TMEM178B: variants seen among roughly 807,000 people sequenced by gnomAD.
The protein encoded by TMEM178B is transmembrane protein 178B.
Under a neutral mutation model 31.0 loss-of-function variants are expected in TMEM178B, and 5 were observed. The observed-to-expected ratio is 0.16, with a 90% CI of 0.08 to 0.34. The LOEUF (loss-of-function observed/expected upper bound fraction) is 0.34. TMEM178B is among the 10% of genes least tolerant of loss of function. TMEM178B has a pLI of 1.00. For synonymous variants in TMEM178B, 164 were observed against 164.0 expected (o/e 1.00, Z 0.00); for missense variants, 275 against 400.3 (o/e 0.69, Z 2.67).
intron 2 of TMEM178B, among the ~76,000 whole-genome samples, chr7:141,355,020 T>A (rs369319288): frequency 2.6e-5 from 4 of 152,264 alleles, no homozygotes; most frequent in East Asian, 3.8e-4. Context: ...AAGTTGTTTA[T>A]GTTAATAAAA....
In TMEM178B at chr7:141,461,461, A is replaced by G. The variant is rs1802057854; in HGVS notation, c.635-9075A>G. ...GAAGTTGTGGGCATAACTTGGTCAC[A>G]TAAGGATTAGATATTTGGGCAAATG... On this transcript the variant is annotated intron_variant, in intron 3 of 3. Coordinates refer to ENST00000565468, the MANE Select transcript of TMEM178B (RefSeq NM_001195278.2). The surrounding 1 kb of genome is among the most constrained non-coding windows in gnomAD (Gnocchi z 4.0). Among the ~76,000 whole-genome samples the G allele has an allele frequency of 6.6e-6, 1 of 152,262 alleles. No individual in the cohort carries two copies. Among genetic ancestry groups the G allele is most frequent in the Non-Finnish European group, 1.5e-5 (1 of 68,044 alleles).
chr7:141,391,445 C>T (rs372730628), intron 2 of TMEM178B, among the ~76,000 whole-genome samples: 1 of 152,178 alleles, frequency 6.6e-6, no homozygotes, highest in Non-Finnish European at 1.5e-5. Context: ...CAGGCGTGAG[C>T]CACCACATCC....
intron 2 of TMEM178B, among the ~76,000 whole-genome samples, chr7:141,256,942 G>A (rs1314495246): frequency 6.6e-6 from 1 of 152,174 alleles, no homozygotes; most frequent in African/African-American, 2.4e-5. Flanking sequence ...TACAATATTT[G>A]TATCTGGAGT....
chr7:141,487,173 C>T, the TMEM178B span, among the ~76,000 whole-genome samples: 23 of 152,274 alleles, frequency 1.5e-4, 1 homozygote, highest in East Asian at 4.4e-3. Flanking sequence ...GCTGCTGAGC[C>T]ATTTTTTACC....
intron 3 of TMEM178B, among the ~76,000 whole-genome samples, chr7:141,442,325 C>T (rs1801676152): frequency 6.6e-6 from 1 of 152,182 alleles, no homozygotes; most frequent in Non-Finnish European, 1.5e-5. Flanking sequence ...GGAGCCTCCT[C>T]TCTAAACGCC....
intron 2 of TMEM178B, among the ~76,000 whole-genome samples, chr7:141,322,734 A>G (rs1298889496): frequency 6.6e-6 from 1 of 152,130 alleles, no homozygotes; most frequent in Non-Finnish European, 1.5e-5. Context: ...TGCCTGGAAC[A>G]TGGCCTTCGA....
intron 2 of TMEM178B, among the ~76,000 whole-genome samples, chr7:141,231,012 C>T (rs1245856749): frequency 6.6e-6 from 1 of 152,126 alleles, no homozygotes; most frequent in African/African-American, 2.4e-5. Context: ...AATGGACAAC[C>T]TTTGGATAAG....
At chr7:141,462,836 C>A (rs2116720305) in intron 3 of TMEM178B, among the ~76,000 whole-genome samples, 1 of 151,976 alleles carries the variant, frequency 6.6e-6, no homozygotes, top group African/African-American at 2.4e-5. Flanking sequence ...CCGAGACTAT[C>A]CTCCCCTCTT....
intron 2 of TMEM178B, among the ~76,000 whole-genome samples, chr7:141,241,126 A>G (rs1273363375): frequency 1.4e-5 from 2 of 138,704 alleles, no homozygotes; most frequent in African/African-American, 2.8e-5. Flanking sequence ...AGTAGTGTAC[A>G]TTGTACCTAA....
At chr7:141,187,188 G>A (rs1372587879) in intron 1 of TMEM178B, among the ~76,000 whole-genome samples, 4 of 145,674 alleles carry the variant, frequency 2.7e-5, no homozygotes, top group African/African-American at 1.0e-4. Context: ...GAGAACATGT[G>A]GTGTTTGGTT....
intron 2 of TMEM178B, among the ~76,000 whole-genome samples, chr7:141,431,525 T>C (rs1164148775): frequency 6.6e-6 from 1 of 152,182 alleles, no homozygotes; most frequent in Non-Finnish European, 1.5e-5. Flanking sequence ...TAAACGCACC[T>C]TTCTCATTTC....
At chr7:141,502,714 G>A in the TMEM178B span, among the ~76,000 whole-genome samples, 547 of 151,702 alleles carry the variant, frequency 3.6e-3, 2 homozygotes, top group Non-Finnish European at 5.9e-3. Context: ...AGGTTGCAGT[G>A]AGCTGAGAGC....
chr7:141,202,987 T>C lies in TMEM178B; in HGVS notation c.383-9604T>C, dbSNP rs375370352. ...CTGCACCTTTCATCACCGACCAAGT[T>C]TCCCTTTTAATCTCCAATCTTTAAG... On this transcript the variant is annotated intron_variant, in intron 1 of 3. Coordinates refer to ENST00000565468, the MANE Select transcript of TMEM178B (RefSeq NM_001195278.2). Among the ~76,000 whole-genome samples the C allele has an allele frequency of 4.3e-4, 66 of 152,298 alleles. 1 individual carries two copies. Among genetic ancestry groups the C allele is most frequent in the African/African-American group, 1.6e-3 (66 of 41,562 alleles).
At chr7:141,130,612 A>G (rs1453455392) in intron 1 of TMEM178B, among the ~76,000 whole-genome samples, 1 of 152,224 alleles carries the variant, frequency 6.6e-6, no homozygotes, top group African/African-American at 2.4e-5. Context: ...GGCTATTATG[A>G]ATGAAACTTT....
intron 1 of TMEM178B, among the ~76,000 whole-genome samples, chr7:141,189,480 G>A (rs1398888219): frequency 6.6e-6 from 1 of 152,222 alleles, no homozygotes; most frequent in African/African-American, 2.4e-5. Flanking sequence ...TGGCAGCCAG[G>A]GACCAAGCCT....
At chr7:141,419,282 T>C (rs76169611) in intron 2 of TMEM178B, among the ~76,000 whole-genome samples, 2,220 of 152,296 alleles carry the variant, frequency 0.015, 40 homozygotes, top group South Asian at 0.038. Flanking sequence ...GGCAACACTC[T>C]AGGTCTCCTC....
At position 141,314,641 on chromosome 7, in the gene TMEM178B, C is replaced by G. The variant is rs377640938; in HGVS notation, c.496+101937C>G. 7.0e-4 allele frequency among the ~76,000 whole-genome samples: 106 copies of G among 152,344 alleles called. 1 individual carries two copies. The South Asian group carries it at 0.021, about 30-fold the overall frequency. On this transcript the variant is annotated intron_variant, in intron 2 of 3. Transcript: ENST00000565468. ...TCTTGGGCATCCTCATTCATCTTTC[C>G]TATTCAGCAATCCTTGCTGCTGCTC...
chr7:141,470,540 C>T lies in TMEM178B; in HGVS notation c.639C>T (p.Thr213=), dbSNP rs1470739592. The change falls in exon 4 of 4, where the codon ACC becomes ACT. Residue 213 remains threonine, a synonymous_variant. Transcript: ENST00000565468. ...GTCTTTTCCCTTGTCCTCCAGGAAC[C>T]TTCTGCATCATTTCACTGTGCACCT... ...VAGLLFLMGG[T]FCIISLCTCV... is the part of the protein sequence containing the mutation. 4.0e-6 allele frequency: 6 copies of T among 1,518,576 alleles called. No individual in the cohort carries two copies. The highest frequency in any genetic ancestry group is 5.3e-6 in the Non-Finnish European group (6 of 1,138,312). 94.1% of individuals were successfully genotyped at this position (1,518,576 alleles called of 1,614,324 possible).
chr7:141,250,455 T>C (rs891108001), intron 2 of TMEM178B, among the ~76,000 whole-genome samples: 4 of 152,174 alleles, frequency 2.6e-5, no homozygotes, highest in Non-Finnish European at 5.9e-5. Flanking sequence ...CACTACAATA[T>C]GTCCTCTCCG....
Sources: gnomAD v4.1 joint callset for allele counts (sites outside exome capture counted in the v4.1 genomes callset) on GRCh38, gnomAD v4.1.1 for gene constraint, Gnocchi (gnomAD v3.1) non-coding constraint, MANE v1.5 for transcripts, NCBI Gene and HGNC (gene_info 2026-07-23, HGNC 2026-07-21) for gene names.